The following PIP5K1B variants were observed in gnomAD, a reference collection of about 807,000 sequenced individuals.
The protein encoded by PIP5K1B is phosphatidylinositol 4-phosphate 5-kinase type-1 beta.
A neutral mutation model predicts 67.0 loss-of-function variants in PIP5K1B; 42 were observed. The observed-to-expected ratio is 0.63, with a 90% CI of 0.49 to 0.81. PIP5K1B has a LOEUF of 0.81. Ranked by LOEUF, PIP5K1B falls within the 30% of genes least tolerant of loss-of-function variation. PIP5K1B has a pLI of 0.00. For missense variants in PIP5K1B, 459 were observed against 646.3 expected (o/e 0.71, Z 3.14); for synonymous variants, 214 against 231.4 (o/e 0.92, Z 0.68).
intron 8 of PIP5K1B, among the ~76,000 whole-genome samples, chr9:68,914,194 A>G: frequency 6.6e-6 from 1 of 152,230 alleles, no homozygotes. Flanking sequence ...AAAAAAAACA[A>G]AGGTTTTTAA....
intron 1 of PIP5K1B, among the ~76,000 whole-genome samples, chr9:68,716,644 T>G (rs1008938585): frequency 6.6e-6 from 1 of 152,208 alleles, no homozygotes; most frequent in African/African-American, 2.4e-5. Flanking sequence ...GTTTGCAAAT[T>G]TGTTCAGCCA....
chr9:68,752,007 T>C (rs2132353413), intron 2 of PIP5K1B, among the ~76,000 whole-genome samples: 1 of 151,768 alleles, frequency 6.6e-6, no homozygotes, highest in South Asian at 2.1e-4. Flanking sequence ...CTTAACATTT[T>C]ATATATATGG....
At chr9:68,800,284 C>T (rs928933141) in intron 2 of PIP5K1B, among the ~76,000 whole-genome samples, 2 of 152,176 alleles carry the variant, frequency 1.3e-5, no homozygotes, top group African/African-American at 2.4e-5. Flanking sequence ...TTAGGCCCTG[C>T]AAATGTTGGG....
At chr9:68,916,687 C>T (rs982934561) in intron 8 of PIP5K1B, among the ~76,000 whole-genome samples, 7 of 151,948 alleles carry the variant, frequency 4.6e-5, no homozygotes, top group Admixed American at 4.6e-4. Flanking sequence ...GCCTGGCCAA[C>T]ATGGTGAAAC....
intron 15 of PIP5K1B, among the ~76,000 whole-genome samples, chr9:68,995,138 G>A (rs1486894639): frequency 1.3e-5 from 2 of 149,310 alleles, no homozygotes; most frequent in Non-Finnish European, 3.0e-5. Context: ...AGTGAGACAT[G>A]GTCTCTAAAG....
At chr9:68,803,355 C>T (rs557466249) in intron 2 of PIP5K1B, among the ~76,000 whole-genome samples, 1 of 152,160 alleles carries the variant, frequency 6.6e-6, no homozygotes, top group South Asian at 2.1e-4. Context: ...GCAGTTAAAC[C>T]CATTGGTGAT....
At chr9:68,999,192 A>T (rs1485444573) in intron 15 of PIP5K1B, among the ~76,000 whole-genome samples, 2 of 152,186 alleles carry the variant, frequency 1.3e-5, no homozygotes, top group Non-Finnish European at 1.5e-5. Context: ...GATGTCACTC[A>T]TTTGATTTAG....
intron 4 of PIP5K1B, among the ~76,000 whole-genome samples, chr9:68,854,553 TG>T (rs1209236186): frequency 6.6e-6 from 1 of 152,208 alleles, no homozygotes; most frequent in Non-Finnish European, 1.5e-5. Flanking sequence ...AAAATAAACT[TG>T]TTATGATTAC....
At chr9:68,765,799 A>G (rs1261534839) in intron 2 of PIP5K1B, among the ~76,000 whole-genome samples, 1 of 152,190 alleles carries the variant, frequency 6.6e-6, no homozygotes, top group Non-Finnish European at 1.5e-5. Context: ...AGGTTGAAGT[A>G]GAGGTGGAGA....
chr9:68,844,033 A>G (rs1324198353), intron 4 of PIP5K1B, among the ~76,000 whole-genome samples: 2 of 152,222 alleles, frequency 1.3e-5, no homozygotes, highest in Admixed American at 6.5e-5. Context: ...CAACGGACTC[A>G]AGAAACATGT....
At chr9:68,773,204 T>G (rs910775516) in intron 2 of PIP5K1B, among the ~76,000 whole-genome samples, 7 of 152,238 alleles carry the variant, frequency 4.6e-5, no homozygotes, top group African/African-American at 1.7e-4. Context: ...TAAAGTTAAC[T>G]TTATACATTA....
chr9:69,004,962 G>A (rs538178359), intron 15 of PIP5K1B, among the ~76,000 whole-genome samples: 13 of 152,240 alleles, frequency 8.5e-5, no homozygotes, highest in Non-Finnish European at 1.3e-4. Context: ...ATGCAAAACA[G>A]ACACGTTCAT....
At chr9:68,808,225 A>G (rs949388654) in intron 2 of PIP5K1B, among the ~76,000 whole-genome samples, 8 of 152,168 alleles carry the variant, frequency 5.3e-5, no homozygotes, top group Non-Finnish European at 1.2e-4. Context: ...AAAGGGGAAG[A>G]AAAAATGTAA....
At position 68,788,474 on chromosome 9, in the gene PIP5K1B, T is replaced by TTTTTG. The variant is rs71353082; in HGVS notation, c.-85-29962_-85-29958dup. The TTTTTG allele has an allele frequency of 3.1e-3, 917 of 291,758 alleles. 7 individuals are homozygous for TTTTTG. Among genetic ancestry groups the TTTTTG allele is most frequent in the African/African-American group, 7.4e-3 (320 of 43,356 alleles). 18.1% of individuals were successfully genotyped at this position (291,758 alleles called of 1,614,324 possible). ...ATATTAGAGGAAGATATCAGGAAGG[T>TTTTTG]TTTTGTTTTGTTTTGTTTTGTTTTG... On this transcript the variant is annotated intron_variant, in intron 2 of 15. Coordinates refer to ENST00000265382, the MANE Select transcript of PIP5K1B (RefSeq NM_003558.4).
intron 8 of PIP5K1B, among the ~76,000 whole-genome samples, chr9:68,895,818 T>C (rs897638477): frequency 1.6e-4 from 25 of 152,180 alleles, no homozygotes; most frequent in South Asian, 2.1e-4. Context: ...CACTTAATTC[T>C]CTCAGCAATT....
chr9:68,953,155 A>G (rs1213336467), intron 14 of PIP5K1B, among the ~76,000 whole-genome samples: 1 of 151,920 alleles, frequency 6.6e-6, no homozygotes, highest in Non-Finnish European at 1.5e-5. Context: ...TTCTGTCTTC[A>G]GTCCCATCTA....
chr9:68,738,017 A>T (rs568370120), intron 1 of PIP5K1B, among the ~76,000 whole-genome samples: 1 of 152,224 alleles, frequency 6.6e-6, no homozygotes, highest in African/African-American at 2.4e-5. Flanking sequence ...AGCTGATTCT[A>T]TTCATATGCC....
At chr9:68,978,842 C>T (rs1480926094) in intron 14 of PIP5K1B, among the ~76,000 whole-genome samples, 1 of 152,170 alleles carries the variant, frequency 6.6e-6, no homozygotes, top group Non-Finnish European at 1.5e-5. Context: ...AGCAAGTTCC[C>T]TTCTGCCCCT....
At chr9:68,935,248 C>G (rs1265862958) in intron 13 of PIP5K1B, among the ~76,000 whole-genome samples, 1 of 152,174 alleles carries the variant, frequency 6.6e-6, no homozygotes, top group Non-Finnish European at 1.5e-5. Context: ...GGGTGGATCA[C>G]TTGAGGTCAG....
Sources: allele counts gnomAD v4.1 joint callset (sites outside exome capture counted in the v4.1 genomes callset), GRCh38; gene constraint gnomAD v4.1.1; transcripts MANE v1.5; gene names NCBI Gene and HGNC (gene_info 2026-07-23, HGNC 2026-07-21).